Variants in ROBO2 observed in about 807,000 individuals in gnomAD.
The protein encoded by ROBO2 is roundabout guidance receptor 2, also known as roundabout homolog 2.
ROBO2 carries 53 observed loss-of-function variants against 160.8 expected under a neutral mutation model. That is an observed-to-expected ratio of 0.33 (90% CI 0.26 to 0.41). The LOEUF is 0.41. Among genes scored for constraint, ROBO2 ranks in the 10% least tolerant of loss-of-function variants. ROBO2 has a pLI of 1.00. For missense variants in ROBO2, 1,577 were observed against 1,722.4 expected, an observed-to-expected ratio of 0.92 and a Z score of 1.49; for synonymous variants, 664 against 611.7, an observed-to-expected ratio of 1.09 and a Z score of -1.26.
At chr3:76,252,412 A>G (rs1054833100) in intron 2 of ROBO2, among the ~76,000 whole-genome samples, 6 of 152,130 alleles carry the variant, frequency 3.9e-5, no homozygotes, top group Admixed American at 3.9e-4. Context: ...GAAAGCATCT[A>G]GGGAGACAGC....
At chr3:76,356,971 TA>T (rs749052590) in intron 2 of ROBO2, among the ~76,000 whole-genome samples, 13 of 151,990 alleles carry the variant, frequency 8.6e-5, no homozygotes, top group Non-Finnish European at 7.4e-5. Flanking sequence ...ATTTTTAGTT[TA>T]AAATAGTATT....
chr3:76,521,468 A>C lies in ROBO2; in HGVS notation c.110-576546A>C, dbSNP rs566202111. On this transcript the variant is annotated intron_variant, in intron 2 of 26. Transcript: ENST00000487694. ...CCAAGGAGAACAGCAGAGATGCGGGAGGTAGGGCAGGAATAGGGGAAGCAA... is the reference window on the plus strand; with the variant it reads ...CCAAGGAGAACAGCAGAGATGCGGGCGGTAGGGCAGGAATAGGGGAAGCAA... 4.3e-4 allele frequency among the ~76,000 whole-genome samples: 66 copies of C among 152,258 alleles called. No individual in the cohort carries two copies. The South Asian group carries it at 0.013, about 31-fold the overall frequency.
intron 2 of ROBO2, among the ~76,000 whole-genome samples, chr3:76,473,660 A>T (rs1035482042): frequency 6.6e-6 from 1 of 152,170 alleles, no homozygotes. Context: ...TTCAGGTAAC[A>T]TTTGTAATAG....
At chr3:76,161,092 A>G (rs1235059698) in intron 2 of ROBO2, among the ~76,000 whole-genome samples, 2 of 152,082 alleles carry the variant, frequency 1.3e-5, no homozygotes, top group Non-Finnish European at 2.9e-5. Context: ...CTTCGATGCC[A>G]TATCTTTTTG....
intron 2 of ROBO2, among the ~76,000 whole-genome samples, chr3:76,143,253 A>G (rs1156500658): frequency 6.6e-6 from 1 of 151,980 alleles, no homozygotes; most frequent in Non-Finnish European, 1.5e-5. Context: ...CTGGTCATGA[A>G]ATCCCTGCCT....
intron 2 of ROBO2, among the ~76,000 whole-genome samples, chr3:76,938,379 C>A (rs1342270805): frequency 1.4e-5 from 2 of 146,242 alleles, no homozygotes; most frequent in Non-Finnish European, 3.0e-5. Flanking sequence ...AAAAAGGCTG[C>A]ATATTGTCCC....
intron 2 of ROBO2, among the ~76,000 whole-genome samples, chr3:76,930,432 T>TC (rs1200227372): frequency 6.6e-6 from 1 of 152,152 alleles, no homozygotes; most frequent in Non-Finnish European, 1.5e-5. Context: ...CCATAAAATG[T>TC]CCCCCAAACA....
chr3:76,879,204 G>A (rs144088675), intron 2 of ROBO2, among the ~76,000 whole-genome samples: 4 of 152,138 alleles, frequency 2.6e-5, no homozygotes, highest in Admixed American at 2.0e-4. Flanking sequence ...AAACATAGTC[G>A]AAGGAAATGT....
At chr3:77,418,770 A>C (rs1158676480) in intron 2 of ROBO2, among the ~76,000 whole-genome samples, 1 of 152,122 alleles carries the variant, frequency 6.6e-6, no homozygotes, top group Non-Finnish European at 1.5e-5. Flanking sequence ...TTGTTGCTGT[A>C]GAATTTTTAA....
At chr3:77,553,856 G>A (rs1346980309) in intron 8 of ROBO2, among the ~76,000 whole-genome samples, 1 of 149,288 alleles carries the variant, frequency 6.7e-6, no homozygotes, top group African/African-American at 2.5e-5. Context: ...AAAAGTACAA[G>A]GTAAAGCATC....
intron 2 of ROBO2, among the ~76,000 whole-genome samples, chr3:77,463,469 C>T (rs546515757): frequency 4.6e-5 from 7 of 152,030 alleles, no homozygotes; most frequent in South Asian, 2.1e-4. Context: ...TTATTCATAG[C>T]GATGATCGCT....
rs1411421387 is a variant in ROBO2, at chr3:77,622,250, C to A, written c.3578C>A (p.Pro1193His). 3 of 1,614,038 alleles carry A rather than the reference C, an allele frequency of 1.9e-6. No homozygotes were observed. In the South Asian group the frequency reaches 3.3e-5, roughly 18 times the overall value. Residue 1193 changes from proline to histidine, a missense_variant, in exon 23 of 26, where the codon CCT becomes CAT. Pro to His is a moderately conservative substitution (Grantham distance 77). Around this residue, in one of 2 missense-constraint regions of ROBO2, gnomAD observed 637 missense variants for 586.9 expected, o/e 1.09. Transcript: ENST00000461745. The stretch of plus-strand genomic sequence containing the variant: ...AGGCACATTCAAAGCAATAATCAAC[C>A]TCCACAGCCTCCAGTTCCACCGTTA...
intron 2 of ROBO2, among the ~76,000 whole-genome samples, chr3:76,939,366 C>G (rs897169816): frequency 2.6e-5 from 4 of 152,166 alleles, no homozygotes; most frequent in Non-Finnish European, 4.4e-5. Context: ...ATTGGTAAAA[C>G]TGCTGATGAG....
At chr3:77,380,279 G>A (rs2073265752) in intron 2 of ROBO2, among the ~76,000 whole-genome samples, 1 of 152,214 alleles carries the variant, frequency 6.6e-6, no homozygotes, top group South Asian at 2.1e-4. Context: ...ACACTAGCAT[G>A]TCTCATCTGT....
chr3:77,097,241 A>G (rs903562544), intron 1 of ROBO2, among the ~76,000 whole-genome samples: 1 of 152,124 alleles, frequency 6.6e-6, no homozygotes, highest in Non-Finnish European at 1.5e-5. Context: ...ATCTCTTGGC[A>G]TGATGCTTTT....
chr3:77,373,370 A>G (rs1028707487), intron 2 of ROBO2, among the ~76,000 whole-genome samples: 2 of 151,740 alleles, frequency 1.3e-5, no homozygotes, highest in Non-Finnish European at 2.9e-5. Flanking sequence ...TACAAATGTT[A>G]TTACTTCTGG....
At chr3:76,455,407 A>G (rs1182758105) in intron 2 of ROBO2, among the ~76,000 whole-genome samples, 1 of 152,154 alleles carries the variant, frequency 6.6e-6, no homozygotes, top group Non-Finnish European at 1.5e-5. Flanking sequence ...ATTCAATTAA[A>G]TTTATAATTT....
In ROBO2 at chr3:76,823,903, T is replaced by C. The variant is rs1372821258; in HGVS notation, c.110-274111T>C. Among the ~76,000 whole-genome samples the C allele has an allele frequency of 2.0e-5, 3 of 152,170 alleles. No homozygotes were observed. In the East Asian group the frequency reaches 5.8e-4, roughly 29 times the overall value. On this transcript the variant is annotated intron_variant, in intron 2 of 26. Coordinates refer to the ROBO2 transcript ENST00000487694. ...TCCCTGATTAGCAGTTGTTTTATGG[T>C]AAAACTGAGCTGTTATAATAAAAAC...
chr3:77,602,305 A>G, exon 20 of ROBO2: 1 of 1,614,160 alleles, frequency 6.2e-7, no homozygotes, highest in Non-Finnish European at 8.5e-7. Flanking sequence ...TACCAAAACC[A>G]GTTACAACAG....
Sources: allele counts gnomAD v4.1 joint callset (sites outside exome capture counted in the v4.1 genomes callset), GRCh38; gene constraint gnomAD v4.1.1; regional missense constraint gnomAD v4.1.1; transcripts MANE v1.5; gene names NCBI Gene and HGNC (gene_info 2026-07-23, HGNC 2026-07-21).